PROS1: variants seen among roughly 807,000 people sequenced by gnomAD.
PROS1 encodes the protein protein S, also known as vitamin K-dependent protein S.
In PROS1, 29 loss-of-function variants were observed where a neutral mutation model predicts 75.9. The ratio of observed to expected loss-of-function variants is 0.38; its 90% CI spans 0.28 to 0.52. PROS1 has a LOEUF of 0.52. PROS1 is among the 20% of genes least tolerant of loss of function. The pLI is 0.83. For synonymous variants in PROS1, 245 were observed against 280.6 expected, an observed-to-expected ratio of 0.87 and a Z score of 1.27; for missense variants, 680 against 810.3, an observed-to-expected ratio of 0.84 and a Z score of 1.95.
intron 1 of PROS1, among the ~76,000 whole-genome samples, chr3:93,946,785 CA>C (rs1280690287): frequency 9.0e-6 from 1 of 110,548 alleles, no homozygotes; most frequent in Non-Finnish European, 1.8e-5. Context: ...GCAGTGGCAA[CA>C]AAAGCCAAAA....
At chr3:93,943,535 G>T (rs1709326178) in intron 1 of PROS1, among the ~76,000 whole-genome samples, 1 of 151,970 alleles carries the variant, frequency 6.6e-6, no homozygotes, top group South Asian at 2.1e-4. Flanking sequence ...TCCCACTCTA[G>T]GCTCCCACAT....
intron 1 of PROS1, among the ~76,000 whole-genome samples, chr3:93,938,750 T>A (rs1275919217): frequency 6.6e-6 from 1 of 152,164 alleles, no homozygotes; most frequent in Non-Finnish European, 1.5e-5. Flanking sequence ...CTGGTGCTGG[T>A]CACGGACTTG....
Position 93,973,849 on chromosome 3 carries a change from AG to A in PROS1, c.-101del. On this transcript the variant is annotated 5_prime_UTR_variant, in exon 1 of 15. Coordinates refer to ENST00000394236, the MANE Select transcript of PROS1 (RefSeq NM_000313.4). Reference sequence around the variant, plus strand: ...CTGCGAGCCTGTGCGCCTCGGTCTGAGCCGTGCTGCGCGGCGGCGCCAGCGA... The same window carrying A: ...CTGCGAGCCTGTGCGCCTCGGTCTGACCGTGCTGCGCGGCGGCGCCAGCGA... The A allele has an allele frequency of 9.8e-7, 1 of 1,020,272 alleles. No homozygotes were observed. Among genetic ancestry groups the A allele is most frequent in the Admixed American group, 4.1e-5 (1 of 24,272 alleles). The allele number at this position is 1,020,272 out of a possible 1,614,324, so 63.2% of individuals were successfully genotyped here. A position where few individuals can be genotyped will look rare whatever the true frequency, so the allele number is the denominator to read the frequency against.
chr3:93,949,661 A>G (rs1709461652), intron 1 of PROS1, among the ~76,000 whole-genome samples: 1 of 152,228 alleles, frequency 6.6e-6, no homozygotes, highest in East Asian at 1.9e-4. Context: ...ATTTCATAAA[A>G]GAGGGAAAAA....
chr3:93,902,759 AAAGAAG>A (rs912095684), intron 6 of PROS1, among the ~76,000 whole-genome samples: 2 of 152,032 alleles, frequency 1.3e-5, no homozygotes, highest in Admixed American at 1.3e-4. Flanking sequence ...CAAAAAAAAA[AAAGAAG>A]AAGAAGAAGA....
intron 11 of PROS1, 140 bp from the exon 12 acceptor site, chr3:93,885,036 T>C (rs1199229941): frequency 2.5e-6 from 2 of 815,346 alleles, no homozygotes; most frequent in East Asian, 2.7e-5. Flanking sequence ...TTTAAGTTTT[T>C]CTTTTCAAAG....
chr3:93,949,350 A>G (rs1291695636), intron 1 of PROS1, among the ~76,000 whole-genome samples: 1 of 152,168 alleles, frequency 6.6e-6, no homozygotes, highest in African/African-American at 2.4e-5. Flanking sequence ...TTCGTACCCC[A>G]CTTACCACAT....
At chr3:93,909,433 T>TA (rs752049146) in intron 4 of PROS1, among the ~76,000 whole-genome samples, 5,373 of 79,726 alleles carry the variant, frequency 0.067, 196 homozygotes, top group African/African-American at 0.12. Context: ...AGAGCTTGTC[T>TA]AAAAAAAAAA....
intron 1 of PROS1, among the ~76,000 whole-genome samples, chr3:93,955,129 G>C (rs547099555): frequency 6.6e-6 from 1 of 152,312 alleles, no homozygotes; most frequent in Admixed American, 6.5e-5. Flanking sequence ...CCGTTGGTGG[G>C]ACTGTAAACT....
chr3:93,891,314 C>G (rs1708427887), intron 10 of PROS1, among the ~76,000 whole-genome samples: 1 of 152,122 alleles, frequency 6.6e-6, no homozygotes, highest in Non-Finnish European at 1.5e-5. Context: ...TATCAACTAG[C>G]AGTAATCCCT....
intron 1 of PROS1, 135 bp from the exon 2 acceptor site, chr3:93,927,542 GAA>G: frequency 9.2e-7 from 1 of 1,084,100 alleles, no homozygotes; most frequent in Non-Finnish European, 1.3e-6. Context: ...ATCGAACTAA[GAA>G]AAAAATGCAG....
At chr3:93,886,945 T>C (rs1420975665) in intron 10 of PROS1, among the ~76,000 whole-genome samples, 1 of 146,842 alleles carries the variant, frequency 6.8e-6, no homozygotes, top group Non-Finnish European at 1.5e-5. Flanking sequence ...GGAGTCTCGC[T>C]CTGTCGCCCA....
chr3:93,930,174 C>T (rs1410197589), intron 1 of PROS1, among the ~76,000 whole-genome samples: 1 of 152,134 alleles, frequency 6.6e-6, no homozygotes, highest in Non-Finnish European at 1.5e-5. Flanking sequence ...GTTTATCATG[C>T]TCATTAAAAT....
chr3:93,883,108 C>G (rs1576174971), intron 12 of PROS1, among the ~76,000 whole-genome samples: 1 of 152,260 alleles, frequency 6.6e-6, no homozygotes, highest in Non-Finnish European at 1.5e-5. Flanking sequence ...GGATACAACA[C>G]CTGCCTAAGA....
At chr3:93,884,605 C>A in intron 12 of PROS1, 123 bp downstream of exon 12, 1 of 1,121,378 alleles carries the variant, frequency 8.9e-7, no homozygotes, top group South Asian at 1.5e-5. Flanking sequence ...TATGAATAAG[C>A]ATAAGACTAG....
chr3:93,942,699 CA>C (rs1476131439), intron 1 of PROS1, among the ~76,000 whole-genome samples: 1 of 152,182 alleles, frequency 6.6e-6, no homozygotes, highest in African/African-American at 2.4e-5. Flanking sequence ...ATTCTGTCGT[CA>C]TTTCAAAACC....
intron 6 of PROS1, among the ~76,000 whole-genome samples, chr3:93,902,266 C>T (rs1289616750): frequency 6.6e-6 from 1 of 151,992 alleles, no homozygotes; most frequent in Non-Finnish European, 1.5e-5. Flanking sequence ...CCACTCCACT[C>T]CATCCTGGGC....
chr3:93,940,868 A>C (rs1334020369), intron 1 of PROS1, among the ~76,000 whole-genome samples: 2 of 152,178 alleles, frequency 1.3e-5, no homozygotes, highest in African/African-American at 4.8e-5. Flanking sequence ...CTATTCAAAA[A>C]CCAGACAAGT....
At chr3:93,921,149 G>T (rs554572165) in intron 3 of PROS1, among the ~76,000 whole-genome samples, 1 of 152,154 alleles carries the variant, frequency 6.6e-6, no homozygotes, top group Non-Finnish European at 1.5e-5. Flanking sequence ...CTCTTGAGTG[G>T]CTGGGATTAC....
Sources: gnomAD v4.1 joint callset for allele counts (sites outside exome capture counted in the v4.1 genomes callset) on GRCh38, gnomAD v4.1.1 for gene constraint, MANE v1.5 for transcripts, NCBI Gene and HGNC (gene_info 2026-07-23, HGNC 2026-07-21) for gene names.